SHMT1: variants seen among roughly 807,000 people sequenced by gnomAD.
The protein encoded by SHMT1 is serine hydroxymethyltransferase 1, also known as serine hydroxymethyltransferase, cytosolic.
Under a neutral mutation model 49.0 loss-of-function variants are expected in SHMT1, and 45 were observed. That is an observed-to-expected ratio of 0.92 (90% CI 0.72 to 1.18). The LOEUF (loss-of-function observed/expected upper bound fraction) is 1.18. SHMT1 is among the 50% of genes most tolerant of loss of function. The probability of loss-of-function intolerance (pLI) is 0.00; values close to 1 mark genes in which losing one functional copy is unlikely to be tolerated. For synonymous variants in SHMT1, 232 were observed against 246.6 expected (o/e 0.94, Z 0.55); for missense variants, 541 against 612.4 (o/e 0.88, Z 1.23).
chr17:18,335,743 C>G, intron 7 of SHMT1, 68 bp from the exon 8 acceptor site: 1 of 1,091,150 alleles, frequency 9.2e-7, no homozygotes, highest in South Asian at 1.2e-5. Context: ...TAGGCTCAAA[C>G]CCAGACTGGC....
chr17:18,345,097 T>C (rs1192661711), intron 5 of SHMT1, among the ~76,000 whole-genome samples: 1 of 152,076 alleles, frequency 6.6e-6, no homozygotes, highest in Non-Finnish European at 1.5e-5. Flanking sequence ...CCACAGCGGG[T>C]GAGCTGCACC....
At position 18,340,145 on chromosome 17, in the gene SHMT1, C is replaced by T; in HGVS notation, c.712G>A (p.Ala238Thr). The change falls in exon 7 of 12, where the codon GCT becomes ACT. Residue 238 changes from alanine to threonine, a missense_variant. Coordinates refer to ENST00000316694, the MANE Select transcript of SHMT1 (RefSeq NM_004169.5). This position sits in a 1 kb window ranked among gnomAD's most constrained non-coding sequence, Gnocchi z 4.5. ...DMAHISGLVA[A>T]GVVPSPFEHC... is the part of the protein sequence containing the mutation. ...TCAAATGGGGAGGGCACCACGCCAG[C>T]CGCCACCAGCCCGCTGATGTGAGCC... is the stretch of plus-strand genomic sequence containing the variant. 1 of 1,614,216 alleles carries T rather than the reference C, an allele frequency of 6.2e-7. No individual in the cohort carries two copies. Among genetic ancestry groups the T allele is most frequent in the Non-Finnish European group, 8.5e-7 (1 of 1,180,038 alleles).
chr17:18,329,898 G>A (rs935466126), intron 10 of SHMT1, among the ~76,000 whole-genome samples: 3 of 152,184 alleles, frequency 2.0e-5, no homozygotes, highest in African/African-American at 7.2e-5. Flanking sequence ...GAGTCTCACT[G>A]TCGCCTAAGC....
intron 8 of SHMT1, among the ~76,000 whole-genome samples, chr17:18,333,954 TGA>T (rs1983520147): frequency 6.6e-6 from 1 of 151,978 alleles, no homozygotes; most frequent in Non-Finnish European, 1.5e-5. Flanking sequence ...TAATTTTTTT[TGA>T]GAGATGGAGT....
intron 1 of SHMT1, among the ~76,000 whole-genome samples, chr17:18,356,679 C>G (rs1008200467): frequency 2.0e-5 from 3 of 152,182 alleles, no homozygotes; most frequent in Non-Finnish European, 4.4e-5. Flanking sequence ...TTAGTTCTAT[C>G]AAGTTGATAA....
intron 7 of SHMT1, among the ~76,000 whole-genome samples, chr17:18,338,175 T>C (rs940229206): frequency 8.7e-5 from 13 of 149,126 alleles, no homozygotes; most frequent in African/African-American, 3.0e-4. Flanking sequence ...GGAGCGCCTC[T>C]GCCCCGCCGC....
intron 5 of SHMT1, among the ~76,000 whole-genome samples, chr17:18,344,016 C>A (rs1984815148): frequency 6.6e-6 from 1 of 151,898 alleles, no homozygotes; most frequent in African/African-American, 2.4e-5. Flanking sequence ...ATCTGAGAAG[C>A]CTCAGGGAAG....
At chr17:18,344,905 AG>A (rs897350657) in intron 5 of SHMT1, among the ~76,000 whole-genome samples, 5 of 152,192 alleles carry the variant, frequency 3.3e-5, no homozygotes, top group Admixed American at 3.3e-4. Flanking sequence ...GGAGTGGGGC[AG>A]GGGCTGAAGG....
At chr17:18,336,088 C>T (rs1289816363) in intron 7 of SHMT1, among the ~76,000 whole-genome samples, 3 of 151,544 alleles carry the variant, frequency 2.0e-5, no homozygotes, top group South Asian at 2.1e-4. Context: ...ACTAGTCTGG[C>T]CAACATGGTG....
rs1982743636 is a variant in SHMT1, at chr17:18,327,950, ATTC to A, written c.*797_*799del. On this transcript the variant is annotated 3_prime_UTR_variant, in exon 12 of 12. Transcript: ENST00000316694. ...ATTGGTTGTATTTTTTAAAGCTATA[ATTC>A]TTGTAGACATTCTGTGGTTAAAAAT... 6.5e-6 allele frequency: 1 copy of A among 152,734 alleles called. No individual in the cohort carries two copies. Among genetic ancestry groups the A allele is most frequent in the East Asian group, 1.9e-4 (1 of 5,188 alleles). 9.5% of individuals were successfully genotyped at this position (152,734 alleles called of 1,614,324 possible).
chr17:18,334,864 C>G (rs1194340061), intron 8 of SHMT1, among the ~76,000 whole-genome samples: 1 of 152,150 alleles, frequency 6.6e-6, no homozygotes, highest in Admixed American at 6.5e-5. Context: ...TGAGAACACA[C>G]CCGGGACCCC....
At chr17:18,330,798 C>A in intron 9 of SHMT1, 127 bp from the exon 10 acceptor site, 1 of 717,990 alleles carries the variant, frequency 1.4e-6, no homozygotes, top group South Asian at 1.5e-5. Context: ...ACCCCCACCA[C>A]ATGGCCTGGG....
chr17:18,335,000 G>A (rs550801252), intron 8 of SHMT1, among the ~76,000 whole-genome samples: 8 of 152,344 alleles, frequency 5.3e-5, no homozygotes, highest in African/African-American at 1.9e-4. Context: ...GGGAATGAGT[G>A]CTACCAATGT....
chr17:18,343,333 G>C (rs559966027), intron 5 of SHMT1, among the ~76,000 whole-genome samples: 3 of 152,144 alleles, frequency 2.0e-5, no homozygotes, highest in South Asian at 2.1e-4. Context: ...GGTCAGCCAG[G>C]CGTGGTGGCT....
At chr17:18,331,017 A>G (rs989204266) in intron 9 of SHMT1, 3 of 373,810 alleles carry the variant, frequency 8.0e-6, no homozygotes, top group Non-Finnish European at 1.6e-5. Flanking sequence ...TGAAGGCAGC[A>G]TGAATATTGG....
intron 5 of SHMT1, among the ~76,000 whole-genome samples, chr17:18,342,370 G>A (rs1984613781): frequency 6.6e-6 from 1 of 152,008 alleles, no homozygotes; most frequent in Admixed American, 6.5e-5. Context: ...AGGCTGGAGT[G>A]CGGTGGTGCC....
In SHMT1 at chr17:18,353,745, C is replaced by A; in HGVS notation, c.169G>T (p.Ala57Ser). 6.2e-7 allele frequency: 1 copy of A among 1,614,066 alleles called. No homozygotes were observed. The highest frequency in any genetic ancestry group is 1.1e-5 in the South Asian group (1 of 91,086). Residue 57 changes from alanine (A) to serine (S), a missense_variant, in exon 3 of 12, where the codon GCC becomes TCC. Transcript: ENST00000316694. ...AGGGCCTCCAAAACTGCTCGGCTGG[C>A]GAAATTCTCCGAGGCAATCAGCTCC... Reference protein sequence around the residue: ...GLELIASENFASRAVLEALGS... With the variant: ...GLELIASENFSSRAVLEALGS...
intron 1 of SHMT1, among the ~76,000 whole-genome samples, chr17:18,362,591 T>C (rs1446863824): frequency 2.0e-5 from 3 of 152,188 alleles, no homozygotes; most frequent in Non-Finnish European, 2.9e-5. Context: ...CCCAAAATGC[T>C]GGGATTACAG....
chr17:18,362,701 A>AT (rs1235914249), intron 1 of SHMT1, among the ~76,000 whole-genome samples: 1 of 152,226 alleles, frequency 6.6e-6, no homozygotes, highest in Non-Finnish European at 1.5e-5. Context: ...GAAGGCCCGC[A>AT]TCTGTGCTGA....
Sources: gnomAD v4.1 joint callset for allele counts (sites outside exome capture counted in the v4.1 genomes callset) on GRCh38, gnomAD v4.1.1 for gene constraint, Gnocchi (gnomAD v3.1) non-coding constraint, MANE v1.5 for transcripts, NCBI Gene and HGNC (gene_info 2026-07-23, HGNC 2026-07-21) for gene names.